The following PTPRD variants were observed in gnomAD, a reference collection of about 807,000 sequenced individuals.
The protein encoded by PTPRD is receptor-type tyrosine-protein phosphatase delta.
Under a neutral mutation model 214.5 loss-of-function variants are expected in PTPRD, and 34 were observed. The observed-to-expected ratio is 0.16, with a 90% CI of 0.12 to 0.21. The LOEUF (loss-of-function observed/expected upper bound fraction) is 0.21. Among genes scored for constraint, PTPRD ranks in the 10% least tolerant of loss-of-function variants. The pLI, the probability that PTPRD is intolerant of heterozygous loss-of-function variation, is 1.00. For missense variants in PTPRD, 2,545 were observed against 2,398.7 expected, an observed-to-expected ratio of 1.06 and a Z score of -1.27; for synonymous variants, 1,128 against 845.7, an observed-to-expected ratio of 1.33 and a Z score of -5.79.
At chr9:9,449,329 C>T (rs1438632446) in intron 8 of PTPRD, among the ~76,000 whole-genome samples, 1 of 152,068 alleles carries the variant, frequency 6.6e-6, no homozygotes, top group Non-Finnish European at 1.5e-5. Context: ...ACATTATTAA[C>T]AGATTGCCTA....
At chr9:9,777,684 G>T (rs1263842593) in intron 5 of PTPRD, among the ~76,000 whole-genome samples, 2 of 152,102 alleles carry the variant, frequency 1.3e-5, no homozygotes, top group Non-Finnish European at 2.9e-5. Flanking sequence ...GCAACAGAGT[G>T]AGCCTCTATC....
chr9:10,485,022 T>TA (rs934344924), intron 2 of PTPRD, among the ~76,000 whole-genome samples: 4 of 145,536 alleles, frequency 2.7e-5, no homozygotes, highest in Non-Finnish European at 6.2e-5. Flanking sequence ...AATCAATTTT[T>TA]ACTTGATTTT....
At position 9,511,074 on chromosome 9, in the gene PTPRD, C is replaced by G. The variant is rs1045488897; in HGVS notation, c.-237+63658G>C. Among the ~76,000 whole-genome samples the G allele has an allele frequency of 4.0e-5, 6 of 151,838 alleles. No homozygotes were observed. In the East Asian group the frequency reaches 7.8e-4, roughly 20 times the overall value. Reference sequence around the variant, plus strand: ...TACAATAGAATCTATGAACAAAGGCCATGGCAAATGCTTTTCAAAAGAAAT... The same window carrying G: ...TACAATAGAATCTATGAACAAAGGCGATGGCAAATGCTTTTCAAAAGAAAT... On this transcript the variant is annotated intron_variant, in intron 8 of 45. Coordinates refer to ENST00000381196, the MANE Select transcript of PTPRD (RefSeq NM_002839.4).
chr9:10,332,816 C>T (rs2096775833), intron 3 of PTPRD, among the ~76,000 whole-genome samples: 1 of 151,812 alleles, frequency 6.6e-6, no homozygotes, highest in Admixed American at 6.6e-5. Context: ...CCTCTCAGGA[C>T]AGTTTAAGCA....
At chr9:8,840,264 C>T (rs1386704436) in intron 11 of PTPRD, among the ~76,000 whole-genome samples, 1 of 152,092 alleles carries the variant, frequency 6.6e-6, no homozygotes, top group Non-Finnish European at 1.5e-5. Context: ...GGGAGGTAAT[C>T]GAATCATGAG....
At chr9:8,397,788 G>C (rs1041511575) in intron 36 of PTPRD, among the ~76,000 whole-genome samples, 3 of 152,110 alleles carry the variant, frequency 2.0e-5, no homozygotes, top group Admixed American at 6.5e-5. Flanking sequence ...GATTCCATGT[G>C]AGCAGCTTTC....
intron 14 of PTPRD, among the ~76,000 whole-genome samples, chr9:8,551,635 C>G (rs2082138168): frequency 6.6e-6 from 1 of 152,194 alleles, no homozygotes; most frequent in Non-Finnish European, 1.5e-5. Context: ...ATAGCATGAT[C>G]ATTTTCAATT....
intron 7 of PTPRD, among the ~76,000 whole-genome samples, chr9:9,636,454 A>G (rs2095769989): frequency 6.6e-6 from 1 of 152,196 alleles, no homozygotes; most frequent in African/African-American, 2.4e-5. Flanking sequence ...AAACATATAG[A>G]TATAGATGTA....
chr9:9,929,731 C>T (rs2085701957), intron 5 of PTPRD, among the ~76,000 whole-genome samples: 2 of 152,034 alleles, frequency 1.3e-5, no homozygotes, highest in Admixed American at 6.6e-5. Flanking sequence ...AGAGACAGGG[C>T]CTGGATAAGG....
At chr9:10,495,480 A>G (rs1418530384) in intron 2 of PTPRD, among the ~76,000 whole-genome samples, 1 of 151,836 alleles carries the variant, frequency 6.6e-6, no homozygotes, top group Non-Finnish European at 1.5e-5. Flanking sequence ...TTATTCTCCT[A>G]TAGGAATTTG....
At chr9:10,028,757 G>A (rs944095181) in intron 4 of PTPRD, among the ~76,000 whole-genome samples, 9 of 152,152 alleles carry the variant, frequency 5.9e-5, no homozygotes, top group Non-Finnish European at 1.2e-4. Flanking sequence ...TGCTGTTAAA[G>A]GCATTCAGTT....
intron 12 of PTPRD, among the ~76,000 whole-genome samples, chr9:8,677,300 A>G (rs1049811822): frequency 6.6e-6 from 1 of 152,222 alleles, no homozygotes; most frequent in Admixed American, 6.5e-5. Context: ...CAGGATAAAT[A>G]CACTGTGGTA....
At chr9:9,362,848 G>T (rs993337877) in intron 9 of PTPRD, among the ~76,000 whole-genome samples, 1 of 151,298 alleles carries the variant, frequency 6.6e-6, no homozygotes, top group Non-Finnish European at 1.5e-5. Context: ...TTTCTATGGA[G>T]AATTCACTTT....
At chr9:8,659,554 T>G (rs940000433) in intron 12 of PTPRD, among the ~76,000 whole-genome samples, 2 of 152,216 alleles carry the variant, frequency 1.3e-5, no homozygotes, top group Non-Finnish European at 2.9e-5. Context: ...TCTAACTTAT[T>G]TTACACCATG....
At chr9:10,553,274 C>T (rs934313945) in intron 2 of PTPRD, among the ~76,000 whole-genome samples, 13 of 151,770 alleles carry the variant, frequency 8.6e-5, no homozygotes, top group African/African-American at 3.1e-4. Context: ...ATGAAAAACA[C>T]CTAGAAGGCT....
At chr9:10,410,253 G>GTGTATATATA (rs141919119) in intron 2 of PTPRD, among the ~76,000 whole-genome samples, 1 of 127,116 alleles carries the variant, frequency 7.9e-6, no homozygotes, top group Non-Finnish European at 1.7e-5. Context: ...CATATTTTGT[G>GTGTATATATA]TATATATATA....
chr9:9,367,599 G>A (rs1159339141), intron 9 of PTPRD, among the ~76,000 whole-genome samples: 2 of 151,406 alleles, frequency 1.3e-5, no homozygotes, highest in Admixed American at 1.3e-4. Context: ...ACTATCATTG[G>A]AAGTTTGGCA....
intron 3 of PTPRD, among the ~76,000 whole-genome samples, chr9:10,308,299 G>A (rs2096152532): frequency 6.6e-6 from 1 of 151,930 alleles, no homozygotes; most frequent in Non-Finnish European, 1.5e-5. Context: ...AATGTTCCCA[G>A]CATCATTTAT....
intron 27 of PTPRD, 95 bp downstream of exon 27, chr9:8,492,767 G>T: frequency 1.3e-6 from 1 of 792,898 alleles, no homozygotes. Flanking sequence ...TATTTCCTCT[G>T]ATTTTACTAT....
Sources: allele counts gnomAD v4.1 joint callset (sites outside exome capture counted in the v4.1 genomes callset), GRCh38; gene constraint gnomAD v4.1.1; transcripts MANE v1.5; gene names NCBI Gene and HGNC (gene_info 2026-07-23, HGNC 2026-07-21).